Variants in FBXL7 observed in about 807,000 individuals in gnomAD.
FBXL7 encodes the protein F-box and leucine rich repeat protein 7.
A neutral mutation model predicts 38.3 loss-of-function variants in FBXL7; 12 were observed. The ratio of observed to expected loss-of-function variants is 0.31; its 90% CI spans 0.20 to 0.51. FBXL7 has a LOEUF of 0.51. Among genes scored for constraint, FBXL7 ranks in the 20% least tolerant of loss-of-function variants. The pLI is 0.98. For missense variants in FBXL7, 567 were observed against 676.4 expected (o/e 0.84, Z 1.79); for synonymous variants, 297 against 300.9 (o/e 0.99, Z 0.13).
chr5:15,936,997 C>T lies in FBXL7; in HGVS notation c.1287C>T (p.Asn429=), dbSNP rs752277385. Residue 429 remains asparagine (N), a synonymous_variant, in exon 4 of 4, where the codon AAC becomes AAT. Transcript: ENST00000504595. This position sits in a 1 kb window ranked among gnomAD's most constrained non-coding sequence, Gnocchi z 6.0. ...GLECLALNCF[N]LKRLSLKSCE... is the part of the protein sequence containing the mutation. ...AGTGCCTGGCCCTGAACTGCTTCAACCTCAAGCGGCTCAGCCTCAAGTCCT... is the reference window on the plus strand; with the variant it reads ...AGTGCCTGGCCCTGAACTGCTTCAATCTCAAGCGGCTCAGCCTCAAGTCCT... 3 of 1,614,036 alleles carry T rather than the reference C, an allele frequency of 1.9e-6. No homozygotes were observed. Among genetic ancestry groups the T allele is most frequent in the Non-Finnish European group, 2.5e-6 (3 of 1,179,900 alleles).
rs567161903 is a variant in FBXL7, at chr5:15,808,527, A to G, written c.128-119363A>G. On this transcript the variant is annotated intron_variant, in intron 2 of 3. Transcript: ENST00000504595. ...TGTGTATTTCCCACTGTGTATCCTG[A>G]TAACAAGTTTTTGAGTACCTAGTAG... 2.7e-3 allele frequency among the ~76,000 whole-genome samples: 408 copies of G among 152,260 alleles called. 1 individual carries two copies. The highest frequency in any genetic ancestry group is 9.2e-3 in the African/African-American group (383 of 41,562).
intron 1 of FBXL7, among the ~76,000 whole-genome samples, chr5:15,513,809 A>C (rs915956066): frequency 2.1e-4 from 32 of 152,248 alleles, no homozygotes; most frequent in African/African-American, 7.5e-4. Context: ...ACTGCTCTGA[A>C]ATAAATTTCA....
At chr5:15,816,113 G>T (rs1462538523) in intron 2 of FBXL7, among the ~76,000 whole-genome samples, 1 of 151,990 alleles carries the variant, frequency 6.6e-6, no homozygotes, top group Non-Finnish European at 1.5e-5. Context: ...AAATTAACTG[G>T]TGGAAAAGGA....
intron 2 of FBXL7, among the ~76,000 whole-genome samples, chr5:15,884,015 G>T (rs1025326544): frequency 6.6e-6 from 1 of 152,148 alleles, no homozygotes; most frequent in Non-Finnish European, 1.5e-5. Flanking sequence ...AACTTAGGCT[G>T]CTGTAACAAA....
At chr5:15,524,941 C>G (rs1737207016) in intron 1 of FBXL7, among the ~76,000 whole-genome samples, 1 of 152,186 alleles carries the variant, frequency 6.6e-6, no homozygotes, top group African/African-American at 2.4e-5. Flanking sequence ...GCACCTGTTC[C>G]CATTCATCAT....
chr5:15,771,214 C>T (rs1475959458), intron 2 of FBXL7, among the ~76,000 whole-genome samples: 2 of 152,154 alleles, frequency 1.3e-5, no homozygotes, highest in Non-Finnish European at 2.9e-5. Context: ...TTTGCTTCTA[C>T]CTTTTCATCC....
intron 2 of FBXL7, among the ~76,000 whole-genome samples, chr5:15,631,884 C>G (rs1421177685): frequency 2.0e-5 from 3 of 152,022 alleles, no homozygotes; most frequent in African/African-American, 7.2e-5. Flanking sequence ...GAGGACCTAA[C>G]ATGTTCCTGA....
chr5:15,826,007 T>C (rs1037295366), intron 2 of FBXL7, among the ~76,000 whole-genome samples: 1 of 152,204 alleles, frequency 6.6e-6, no homozygotes, highest in Non-Finnish European at 1.5e-5. Flanking sequence ...GGAGATTTTT[T>C]TGTGAACTTA....
intron 2 of FBXL7, among the ~76,000 whole-genome samples, chr5:15,626,973 G>A (rs951688210): frequency 1.3e-5 from 2 of 152,110 alleles, no homozygotes; most frequent in Non-Finnish European, 2.9e-5. Flanking sequence ...TCACCAACTG[G>A]TAGCACAGAG....
intron 1 of FBXL7, among the ~76,000 whole-genome samples, chr5:15,593,500 G>A (rs1023293794): frequency 5.3e-5 from 8 of 152,018 alleles, no homozygotes; most frequent in African/African-American, 1.9e-4. Context: ...CTCTAGTCTG[G>A]GCGACAGAGG....
intron 2 of FBXL7, among the ~76,000 whole-genome samples, chr5:15,630,718 ATGAAT>A (rs1740967840): frequency 6.6e-6 from 1 of 152,192 alleles, no homozygotes; most frequent in Non-Finnish European, 1.5e-5. Flanking sequence ...AAATTGGGAA[ATGAAT>A]TCATCAAATC....
chr5:15,713,302 G>A (rs994473820), intron 2 of FBXL7, among the ~76,000 whole-genome samples: 12 of 152,100 alleles, frequency 7.9e-5, no homozygotes. Context: ...AGAACAGTAT[G>A]GGGAAACCAC....
chr5:15,824,133 TA>T (rs1738243903), intron 2 of FBXL7, among the ~76,000 whole-genome samples: 1 of 150,414 alleles, frequency 6.6e-6, no homozygotes, highest in Non-Finnish European at 1.5e-5. Flanking sequence ...CCGTCTCTAC[TA>T]AAAATATAAA....
rs1404568495 is a variant in FBXL7 at position 15,936,348 on chromosome 5, G to A, written c.740-102G>A. On this transcript the variant is annotated intron_variant, in intron 3 of 3. Coordinates refer to ENST00000504595, the MANE Select transcript of FBXL7 (RefSeq NM_012304.5). The surrounding 1 kb of genome is among the most constrained non-coding windows in gnomAD (Gnocchi z 6.0). ...ACAGGAAAGGGTAACATCAGCCTCG[G>A]ACCCAGACTTGGGCGAGGGTCAGGA... 1 of 1,425,780 alleles carries A rather than the reference G, an allele frequency of 7.0e-7. No homozygotes were observed. The highest frequency in any genetic ancestry group is 9.4e-7 in the Non-Finnish European group (1 of 1,065,274). 88.3% of individuals were successfully genotyped at this position (1,425,780 alleles called of 1,614,324 possible). A position where few individuals can be genotyped will look rare whatever the true frequency, so the allele number is the denominator to read the frequency against.
chr5:15,732,573 A>G (rs922714672), intron 2 of FBXL7, among the ~76,000 whole-genome samples: 3 of 152,196 alleles, frequency 2.0e-5, no homozygotes, highest in African/African-American at 7.2e-5. Context: ...TTGCAGATGC[A>G]TGTGTGATAC....
chr5:15,800,657 T>C (rs575851185), intron 2 of FBXL7, among the ~76,000 whole-genome samples: 1 of 152,282 alleles, frequency 6.6e-6, no homozygotes, highest in Admixed American at 6.5e-5. Flanking sequence ...GTGAAACATA[T>C]CACCATTGCC....
In FBXL7 at chr5:15,728,405, T is replaced by C. The variant is rs977992607; in HGVS notation, c.127+112333T>C. ...GCATAGGGATAATAGGGGACTGGGATTTGAATGTCCAATATTTTGATTCCA... is the reference window on the plus strand; with the variant it reads ...GCATAGGGATAATAGGGGACTGGGACTTGAATGTCCAATATTTTGATTCCA... On this transcript the variant is annotated intron_variant, in intron 2 of 3. Coordinates refer to ENST00000504595, the MANE Select transcript of FBXL7 (RefSeq NM_012304.5). Among the ~76,000 whole-genome samples, 6 of 152,288 alleles carry C rather than the reference T, an allele frequency of 3.9e-5. No homozygotes were observed. The East Asian group carries it at 1.2e-3, about 29-fold the overall frequency.
intron 2 of FBXL7, among the ~76,000 whole-genome samples, chr5:15,624,869 G>GTTT (rs548586309): frequency 2.2e-5 from 3 of 135,960 alleles, no homozygotes; most frequent in Non-Finnish European, 3.2e-5. Flanking sequence ...GTACATGTTT[G>GTTT]TTTTTTTTTT....
intron 2 of FBXL7, among the ~76,000 whole-genome samples, chr5:15,855,173 G>A (rs1450813788): frequency 6.6e-6 from 1 of 152,000 alleles, no homozygotes; most frequent in Non-Finnish European, 1.5e-5. Flanking sequence ...TTTCATCATT[G>A]TATAACTCTA....
Sources: allele counts gnomAD v4.1 joint callset (sites outside exome capture counted in the v4.1 genomes callset), GRCh38; gene constraint gnomAD v4.1.1; non-coding constraint Gnocchi (gnomAD v3.1); transcripts MANE v1.5; gene names NCBI Gene and HGNC (gene_info 2026-07-23, HGNC 2026-07-21).